ANAPC1: variants seen among roughly 807,000 people sequenced by gnomAD.
The protein encoded by ANAPC1 is anaphase promoting complex subunit 1.
A neutral mutation model predicts 208.0 loss-of-function variants in ANAPC1; 36 were observed. That is an observed-to-expected ratio of 0.17 (90% CI 0.13 to 0.23). ANAPC1 has a LOEUF of 0.23. ANAPC1 is among the 10% of genes least tolerant of loss of function. The probability of loss-of-function intolerance (pLI) is 1.00; values close to 1 mark genes in which losing one functional copy is unlikely to be tolerated. For synonymous variants in ANAPC1, 378 were observed against 695.2 expected, an observed-to-expected ratio of 0.54 and a Z score of 7.18; for missense variants, 942 against 2,011.6, an observed-to-expected ratio of 0.47 and a Z score of 10.17.
rs1676540154 is a variant in ANAPC1, at chr2:111,768,297, G to C, written c.*994C>G. The stretch of plus-strand genomic sequence containing the variant: ...CATTCTGTAAATCTTAGGTAAATAT[G>C]GATTGTCTTGTTTTTAAATACAATT... On this transcript the variant is annotated 3_prime_UTR_variant, in exon 48 of 48. Coordinates refer to ENST00000341068, the MANE Select transcript of ANAPC1 (RefSeq NM_022662.4). 6.6e-6 allele frequency: 1 copy of C among 151,964 alleles called. No homozygotes were observed. The highest frequency in any genetic ancestry group is 1.5e-5 in the Non-Finnish European group (1 of 68,006). 9.4% of individuals were successfully genotyped at this position (151,964 alleles called of 1,614,324 possible). A position where few individuals can be genotyped will look rare whatever the true frequency, so the allele number is the denominator to read the frequency against.
At chr2:111,823,246 T>C (rs1679642697) in intron 24 of ANAPC1, among the ~76,000 whole-genome samples, 1 of 151,882 alleles carries the variant, frequency 6.6e-6, no homozygotes, top group Non-Finnish European at 1.5e-5. Flanking sequence ...CTCGATCTCC[T>C]GACCTCGTGA....
At chr2:111,838,545 T>C (rs1165176898) in intron 17 of ANAPC1, 33 bp from the exon 18 acceptor site, 1 of 1,551,876 alleles carries the variant, frequency 6.4e-7, no homozygotes, top group Admixed American at 1.9e-5. Context: ...AAGATAAAAA[T>C]CGTAAATGCA....
In ANAPC1 at chr2:111,832,322, A is replaced by AG. The variant is rs1472750077; in HGVS notation, c.2477-889_2477-888insC. ...TGTCTCAAGAAAAAAAAAAAAAAAAAAAGAAGAATCTAATCAAAAATCTTG... is the reference window on the plus strand; with the variant it reads ...TGTCTCAAGAAAAAAAAAAAAAAAAAGAAGAAGAATCTAATCAAAAATCTTG... On this transcript the variant is annotated intron_variant, in intron 20 of 47. Coordinates refer to ENST00000341068, the MANE Select transcript of ANAPC1 (RefSeq NM_022662.4). Among the ~76,000 whole-genome samples the AG allele has an allele frequency of 1.1e-4, 16 of 151,620 alleles. No homozygotes were observed. The East Asian group carries it at 1.7e-3, about 17-fold the overall frequency.
intron 39 of ANAPC1, among the ~76,000 whole-genome samples, chr2:111,787,255 T>C (rs1197033393): frequency 1.4e-5 from 2 of 147,776 alleles, no homozygotes; most frequent in East Asian, 2.0e-4. Flanking sequence ...CTCTCCACTG[T>C]ACCCTAGCCA....
intron 10 of ANAPC1, among the ~76,000 whole-genome samples, chr2:111,859,814 A>C (rs1681955979): frequency 6.6e-6 from 1 of 152,094 alleles, no homozygotes; most frequent in South Asian, 2.1e-4. Flanking sequence ...CCACTTATGC[A>C]CCTTTCTGGT....
chr2:111,782,833 T>A (rs1677358832), intron 42 of ANAPC1, among the ~76,000 whole-genome samples: 1 of 152,138 alleles, frequency 6.6e-6, no homozygotes. Context: ...CTAGGGTACA[T>A]GAGGTACTAA....
chr2:111,810,746 G>A (rs976304564), intron 28 of ANAPC1, among the ~76,000 whole-genome samples: 4 of 148,068 alleles, frequency 2.7e-5, no homozygotes, highest in African/African-American at 1.0e-4. Context: ...ACGCAGGTGT[G>A]GTAGTGTGCA....
rs776359232 is a variant in ANAPC1 at position 111,858,341 on chromosome 2, G to T, written c.1323C>A (p.Phe441Leu). 6.2e-7 allele frequency: 1 copy of T among 1,613,836 alleles called. No individual in the cohort carries two copies. Among genetic ancestry groups the T allele is most frequent in the Non-Finnish European group, 8.5e-7 (1 of 1,179,834 alleles). Reference sequence around the variant, plus strand: ...GCTGGGACTCTACTAAAAAGCACAGGAACTTTTGCCCACATAGGTCAGATG... The same window carrying T: ...GCTGGGACTCTACTAAAAAGCACAGTAACTTTTGCCCACATAGGTCAGATG... ...FITSDLCGQK[F>L]LCFLVESQLQ... Residue 441 changes from phenylalanine (F) to leucine (L), a missense_variant, in exon 11 of 48, where the codon TTC becomes TTA. By Grantham distance (22) the Phe-to-Leu change is conservative. Coordinates refer to ENST00000341068, the MANE Select transcript of ANAPC1 (RefSeq NM_022662.4).
At position 111,873,336 on chromosome 2, in the gene ANAPC1, T is replaced by C. The variant is rs754722990; in HGVS notation, c.500A>G (p.Lys167Arg). 2 of 1,608,068 alleles carry C rather than the reference T, an allele frequency of 1.2e-6. No individual in the cohort carries two copies. The highest frequency in any genetic ancestry group is 1.1e-5 in the South Asian group (1 of 90,392). Reference protein sequence around the residue: ...SCINMHSIEGKDYIASLPFQV... With the variant: ...SCINMHSIEGRDYIASLPFQV... ...AAATGGTAATGAAGCTATGTAATCCTTTCCTTCTATGCTATGCATGTTAAT... is the reference window on the plus strand; with the variant it reads ...AAATGGTAATGAAGCTATGTAATCCCTTCCTTCTATGCTATGCATGTTAAT... The change falls in exon 5 of 48, where the codon AAG (lysine) becomes AGG (arginine). Residue 167 changes from lysine (K) to arginine (R), a missense_variant. Lys to Arg is a conservative substitution (Grantham distance 26). Transcript: ENST00000341068.
At position 111,768,243 on chromosome 2, in the gene ANAPC1, GTCCAGAAA is replaced by G. The variant is rs1332661979; in HGVS notation, c.*1040_*1047del. 6.6e-6 allele frequency: 1 copy of G among 152,086 alleles called. No individual in the cohort carries two copies. Among genetic ancestry groups the G allele is most frequent in the Non-Finnish European group, 1.5e-5 (1 of 68,040 alleles). 9.4% of individuals were successfully genotyped at this position (152,086 alleles called of 1,614,324 possible). Reference sequence around the variant, plus strand: ...TATGAACATTTTTCATCATCATCTAGTCCAGAAATCCCTCCTTTTATAGACATACATTC... The same window carrying G: ...TATGAACATTTTTCATCATCATCTAGTCCCTCCTTTTATAGACATACATTC... On this transcript the variant is annotated 3_prime_UTR_variant, in exon 48 of 48. Transcript: ENST00000341068.
At chr2:111,870,265 G>A (rs550380008) in intron 6 of ANAPC1, among the ~76,000 whole-genome samples, 13 of 152,140 alleles carry the variant, frequency 8.5e-5, no homozygotes, top group South Asian at 2.1e-4. Flanking sequence ...AATGGTAGAC[G>A]TACTTTTAGT....
intron 43 of ANAPC1, among the ~76,000 whole-genome samples, chr2:111,781,070 A>AT (rs1677245068): frequency 2.0e-5 from 3 of 150,274 alleles, no homozygotes; most frequent in Admixed American, 6.7e-5. Context: ...AAGACAATAA[A>AT]TTGTGTGCAT....
At position 111,788,319 on chromosome 2, in the gene ANAPC1, A is replaced by T; in HGVS notation, c.4714T>A (p.Tyr1572Asn). Residue 1572 changes from tyrosine (Y) to asparagine (N), a missense_variant and splice_region_variant, in exon 39 of 48, where the codon TAC becomes AAC. Transcript: ENST00000341068. ...LGLLFLGGGR[Y>N]SLSTSNSSIA... ...GAAGAATTTGATGTGCTCAAAGAGT[A>T]CCTGCAAAGTAAGTTCGGTGGGGAC... The T allele has an allele frequency of 6.2e-7, 1 of 1,613,786 alleles. No individual in the cohort carries two copies. Among genetic ancestry groups the T allele is most frequent in the Non-Finnish European group, 8.5e-7 (1 of 1,179,708 alleles).
intron 10 of ANAPC1, among the ~76,000 whole-genome samples, 174 bp from the exon 11 acceptor site, chr2:111,858,575 A>C (rs1201572968): frequency 6.6e-6 from 1 of 152,040 alleles, no homozygotes; most frequent in African/African-American, 2.4e-5. Context: ...CCTGGCTAAC[A>C]CGGTGAAATC....
intron 13 of ANAPC1, among the ~76,000 whole-genome samples, chr2:111,855,053 T>C (rs1263043507): frequency 6.6e-6 from 1 of 152,204 alleles, no homozygotes; most frequent in Non-Finnish European, 1.5e-5. Flanking sequence ...CCTGTGATTC[T>C]TCCCTTCATT....
At chr2:111,775,656 C>T (rs866087137) in intron 46 of ANAPC1, among the ~76,000 whole-genome samples, 20 of 152,108 alleles carry the variant, frequency 1.3e-4, no homozygotes, top group African/African-American at 4.6e-4. Context: ...GCAATCAGGG[C>T]CCTGTTTTAG....
chr2:111,841,959 T>C (rs1210737776), intron 17 of ANAPC1, among the ~76,000 whole-genome samples: 1 of 152,226 alleles, frequency 6.6e-6, no homozygotes, highest in East Asian at 1.9e-4. Context: ...TTTTAAATGA[T>C]GCTAGTAAGA....
intron 37 of ANAPC1, among the ~76,000 whole-genome samples, chr2:111,792,919 C>T (rs1381203132): frequency 6.6e-6 from 1 of 152,052 alleles, no homozygotes; most frequent in Non-Finnish European, 1.5e-5. Context: ...CGCCACTGCA[C>T]TCCAGCCTGG....
At chr2:111,873,001 T>C in intron 5 of ANAPC1, 1 of 461,890 alleles carries the variant, frequency 2.2e-6, no homozygotes, top group Non-Finnish European at 3.8e-6. Flanking sequence ...AAAAAGACGA[T>C]GAGTAACAAA....
Sources: gnomAD v4.1 joint callset for allele counts (sites outside exome capture counted in the v4.1 genomes callset) on GRCh38, gnomAD v4.1.1 for gene constraint, MANE v1.5 for transcripts, NCBI Gene and HGNC (gene_info 2026-07-23, HGNC 2026-07-21) for gene names.